The following AMBRA1 variants were observed in gnomAD, a reference collection of about 807,000 sequenced individuals.
The protein encoded by AMBRA1 is activating molecule in BECN1-regulated autophagy protein 1.
In AMBRA1, 47 loss-of-function variants were observed where a neutral mutation model predicts 125.4. That is an observed-to-expected ratio of 0.37 (90% CI 0.30 to 0.48). AMBRA1 has a LOEUF of 0.48. AMBRA1 is among the 20% of genes least tolerant of loss of function. AMBRA1 has a pLI of 0.99. For missense variants in AMBRA1, 1,331 were observed against 1,693.4 expected (o/e 0.79, Z 3.76); for synonymous variants, 626 against 655.5 (o/e 0.95, Z 0.69).
intron 12 of AMBRA1, among the ~76,000 whole-genome samples, chr11:46,436,184 G>A (rs1456208281): frequency 4.6e-5 from 7 of 152,184 alleles, no homozygotes; most frequent in African/African-American, 1.7e-4. Context: ...ATCTACTGCA[G>A]TAATCCAAAA....
chr11:46,448,256 C>T (rs551045476), intron 11 of AMBRA1, among the ~76,000 whole-genome samples: 1 of 152,320 alleles, frequency 6.6e-6, no homozygotes, highest in South Asian at 2.1e-4. Flanking sequence ...ATACATATTA[C>T]ACTTGCAGAC....
chr11:46,425,018 C>T (rs979860888), intron 14 of AMBRA1, among the ~76,000 whole-genome samples: 1 of 152,008 alleles, frequency 6.6e-6, no homozygotes, highest in Non-Finnish European at 1.5e-5. Context: ...CCTGTAATCC[C>T]AGCTACCTGG....
At chr11:46,431,005 G>A (rs529076116) in intron 14 of AMBRA1, among the ~76,000 whole-genome samples, 3 of 152,314 alleles carry the variant, frequency 2.0e-5, no homozygotes, top group South Asian at 2.1e-4. Context: ...AAAAAAGCTG[G>A]TGTCTTCCCT....
chr11:46,521,475 T>C (rs1951759329), intron 7 of AMBRA1, among the ~76,000 whole-genome samples: 1 of 152,288 alleles, frequency 6.6e-6, no homozygotes, highest in Admixed American at 6.5e-5. Flanking sequence ...TTGAACGCAC[T>C]GTGGCTTTCT....
At chr11:46,407,390 G>A (rs1946076079) in intron 17 of AMBRA1, among the ~76,000 whole-genome samples, 1 of 152,074 alleles carries the variant, frequency 6.6e-6, no homozygotes, top group Admixed American at 6.6e-5. Context: ...TGGCCCTCAG[G>A]CTTCCTGGAA....
intron 1 of AMBRA1, among the ~76,000 whole-genome samples, chr11:46,574,838 T>C (rs1008038282): frequency 6.6e-6 from 1 of 152,180 alleles, no homozygotes; most frequent in African/African-American, 2.4e-5. Flanking sequence ...CAAAAAACAA[T>C]GTTTCACTTT....
intron 9 of AMBRA1, among the ~76,000 whole-genome samples, chr11:46,499,174 C>T (rs1183283449): frequency 6.6e-6 from 1 of 152,186 alleles, no homozygotes; most frequent in Non-Finnish European, 1.5e-5. Flanking sequence ...CCTCTCCTCC[C>T]TTATGTTACC....
intron 1 of AMBRA1, among the ~76,000 whole-genome samples, chr11:46,574,628 T>C (rs1384381715): frequency 1.3e-5 from 2 of 152,202 alleles, no homozygotes; most frequent in Non-Finnish European, 2.9e-5. Flanking sequence ...GGAAATCTTA[T>C]GTGAAAACAC....
chr11:46,461,654 T>A (rs1161706241), intron 11 of AMBRA1, among the ~76,000 whole-genome samples: 1 of 152,204 alleles, frequency 6.6e-6, no homozygotes, highest in African/African-American at 2.4e-5. Context: ...CATAAAAGAT[T>A]ATGCCCACAG....
At chr11:46,468,825 A>AG (rs1258162955) in intron 11 of AMBRA1, among the ~76,000 whole-genome samples, 12 of 150,990 alleles carry the variant, frequency 7.9e-5, no homozygotes, top group African/African-American at 1.2e-4. Flanking sequence ...AAAAAAAAAA[A>AG]AAAGAAAAAA....
Position 46,410,319 on chromosome 11 carries a change from C to T in AMBRA1, c.3166G>A (p.Val1056Ile). ...CTGCTGTTGGAATGGACAGTGAAGA[C>T]CGTCTCGTTCAGCTGGTCCCAGTAG... ...EYYWDQLNET[V>I]FTVHSNSRSS... Residue 1056 changes from valine to isoleucine, a missense_variant, in exon 16 of 18, where the codon GTC (valine) becomes ATC (isoleucine). Around this residue, in one of 4 missense-constraint regions of AMBRA1, gnomAD observed 354 missense variants for 532.7 expected, o/e 0.66. Coordinates refer to ENST00000683756, the MANE Select transcript of AMBRA1 (RefSeq NM_001387011.1). The T allele has an allele frequency of 6.2e-7, 1 of 1,613,968 alleles. No individual in the cohort carries two copies. Among genetic ancestry groups the T allele is most frequent in the Admixed American group, 1.7e-5 (1 of 60,020 alleles).
At chr11:46,488,771 A>G (rs1341887189) in intron 11 of AMBRA1, among the ~76,000 whole-genome samples, 1 of 152,258 alleles carries the variant, frequency 6.6e-6, no homozygotes, top group Admixed American at 6.5e-5. Context: ...TCAGACCATG[A>G]TCAAATTAAA....
At chr11:46,501,844 T>G (rs1273803590) in intron 9 of AMBRA1, among the ~76,000 whole-genome samples, 1 of 152,228 alleles carries the variant, frequency 6.6e-6, no homozygotes, top group African/African-American at 2.4e-5. Flanking sequence ...GGAACTTAAC[T>G]CTTGTTCATA....
At chr11:46,486,707 A>G (rs1950277589) in intron 11 of AMBRA1, among the ~76,000 whole-genome samples, 1 of 152,092 alleles carries the variant, frequency 6.6e-6, no homozygotes, top group African/African-American at 2.4e-5. Flanking sequence ...GGAGTTCGAG[A>G]TCAGCCTGGC....
intron 11 of AMBRA1, among the ~76,000 whole-genome samples, chr11:46,483,937 A>G (rs1352126534): frequency 6.6e-6 from 1 of 152,132 alleles, no homozygotes; most frequent in African/African-American, 2.4e-5. Context: ...GTTAGTTAGC[A>G]TGGGTTATTA....
rs528598365 is a variant in AMBRA1 at position 46,543,193 on chromosome 11, G to A, written c.824C>T (p.Pro275Leu). The A allele has an allele frequency of 6.3e-7, 1 of 1,585,942 alleles. No individual in the cohort carries two copies. The highest frequency in any genetic ancestry group is 8.6e-7 in the Non-Finnish European group (1 of 1,166,910). Residue 275 changes from proline to leucine, a missense_variant, in exon 7 of 18, where the codon CCT (proline) becomes CTT (leucine). By Grantham distance (98) the Pro-to-Leu change is moderately conservative. Coordinates refer to ENST00000683756, the MANE Select transcript of AMBRA1 (RefSeq NM_001387011.1). ...SATPSPPPPP[P>L]QPSTERPRTS... ...CCTGGGGCGCTCCGTGGAGGGCTGAGGGGGAGGCGGTGGGGGTGAGGGGGT... is the reference window on the plus strand; with the variant it reads ...CCTGGGGCGCTCCGTGGAGGGCTGAAGGGGAGGCGGTGGGGGTGAGGGGGT...
chr11:46,581,049 C>T (rs1448729000), intron 1 of AMBRA1, among the ~76,000 whole-genome samples: 1 of 152,086 alleles, frequency 6.6e-6, no homozygotes, highest in Non-Finnish European at 1.5e-5. Flanking sequence ...CCGCCTCAGC[C>T]TCCCAAAGTG....
intron 7 of AMBRA1, among the ~76,000 whole-genome samples, chr11:46,518,909 C>G (rs1951637573): frequency 6.6e-6 from 1 of 152,150 alleles, no homozygotes; most frequent in Admixed American, 6.5e-5. Context: ...TTCCCTGTAT[C>G]AGCTGTATTC....
chr11:46,520,692 T>G (rs1443589772), intron 7 of AMBRA1, among the ~76,000 whole-genome samples: 6 of 150,386 alleles, frequency 4.0e-5, no homozygotes, highest in African/African-American at 1.5e-4. Context: ...GCCTCCCGGG[T>G]TCACGCCATT....
Sources: allele counts gnomAD v4.1 joint callset (sites outside exome capture counted in the v4.1 genomes callset), GRCh38; gene constraint gnomAD v4.1.1; regional missense constraint gnomAD v4.1.1; transcripts MANE v1.5; gene names NCBI Gene and HGNC (gene_info 2026-07-23, HGNC 2026-07-21).